MGAT5: variants seen among roughly 807,000 people sequenced by gnomAD.
The protein encoded by MGAT5 is alpha-1,6-mannosylglycoprotein 6-beta-N-acetylglucosaminyltransferase, also known as alpha-1,6-mannosylglycoprotein 6-beta-N-acetylglucosaminyltransferase A.
In MGAT5, 30 loss-of-function variants were observed where a neutral mutation model predicts 94.3. The observed-to-expected ratio is 0.32, with a 90% CI of 0.24 to 0.43. The LOEUF is 0.43. Ranked by LOEUF, MGAT5 falls within the 20% of genes least tolerant of loss-of-function variation. MGAT5 has a pLI of 1.00. For synonymous variants in MGAT5, 310 were observed against 322.9 expected (o/e 0.96, Z 0.43); for missense variants, 691 against 905.5 (o/e 0.76, Z 3.04).
At chr2:134,187,204 C>T (rs55999111) in intron 1 of MGAT5, among the ~76,000 whole-genome samples, 27,709 of 151,998 alleles carry the variant, frequency 0.18, 2,795 homozygotes, top group East Asian at 0.36. Flanking sequence ...TTATGATGGA[C>T]GTGTGTGAAG....
chr2:134,378,882 C>T (rs1681365512), intron 10 of MGAT5, among the ~76,000 whole-genome samples: 1 of 152,204 alleles, frequency 6.6e-6, no homozygotes, highest in Admixed American at 6.5e-5. Context: ...TCCCAAAGTG[C>T]TGGGATCATA....
At chr2:134,164,400 T>C (rs1005624301) in intron 1 of MGAT5, among the ~76,000 whole-genome samples, 2 of 152,150 alleles carry the variant, frequency 1.3e-5, no homozygotes, top group Non-Finnish European at 2.9e-5. Flanking sequence ...TGAGACCAAA[T>C]TTGGGGACCT....
chr2:134,215,630 C>T (rs918760554), intron 1 of MGAT5, among the ~76,000 whole-genome samples: 3 of 152,156 alleles, frequency 2.0e-5, no homozygotes, highest in Admixed American at 6.5e-5. Flanking sequence ...ATGAGGGATC[C>T]GGCTCCATGA....
intron 1 of MGAT5, among the ~76,000 whole-genome samples, chr2:134,147,849 A>G (rs1465988744): frequency 6.6e-6 from 1 of 152,192 alleles, no homozygotes; most frequent in Non-Finnish European, 1.5e-5. Context: ...TCTAACTGAA[A>G]TTTGGCATTT....
intron 12 of MGAT5, among the ~76,000 whole-genome samples, chr2:134,417,373 T>C (rs1352885307): frequency 6.6e-6 from 1 of 152,116 alleles, no homozygotes; most frequent in Non-Finnish European, 1.5e-5. Context: ...TCCACCGAGA[T>C]CCTTTTTCTG....
intron 9 of MGAT5, among the ~76,000 whole-genome samples, chr2:134,360,350 A>G (rs1432916317): frequency 6.6e-6 from 1 of 152,166 alleles, no homozygotes; most frequent in Non-Finnish European, 1.5e-5. Flanking sequence ...TGTTACATAT[A>G]TGTATTTTTT....
At chr2:134,189,602 G>GTTGTTGTTTTTTTTTTTTTTTTT (rs1689232395) in intron 1 of MGAT5, among the ~76,000 whole-genome samples, 1 of 84,672 alleles carries the variant, frequency 1.2e-5, no homozygotes, top group African/African-American at 4.8e-5. Flanking sequence ...GTTTTTTTTT[G>GTTGTTGTTTTTTTTTTTTTTTTT]TTTTTTTTTT....
At chr2:134,402,371 T>C (rs910930376) in intron 10 of MGAT5, among the ~76,000 whole-genome samples, 11 of 152,240 alleles carry the variant, frequency 7.2e-5, no homozygotes, top group African/African-American at 2.4e-4. Flanking sequence ...ATTTATTCTC[T>C]TTTTTCTACT....
intron 2 of MGAT5, among the ~76,000 whole-genome samples, chr2:134,309,562 T>C (rs1441992666): frequency 6.6e-6 from 1 of 152,222 alleles, no homozygotes; most frequent in Non-Finnish European, 1.5e-5. Context: ...TGATGACTAA[T>C]GATGATAAGC....
chr2:134,163,221 A>T (rs567088410), intron 1 of MGAT5, among the ~76,000 whole-genome samples: 1 of 152,170 alleles, frequency 6.6e-6, no homozygotes, highest in Non-Finnish European at 1.5e-5. Flanking sequence ...GATATGGAGA[A>T]AAGGTAGATT....
At chr2:134,188,293 C>T (rs376625013) in intron 1 of MGAT5, among the ~76,000 whole-genome samples, 1 of 152,246 alleles carries the variant, frequency 6.6e-6, no homozygotes, top group East Asian at 1.9e-4. Context: ...AGCCATAAGG[C>T]ACAGCTTTTC....
At chr2:134,306,519 T>G (rs1686339436) in intron 2 of MGAT5, among the ~76,000 whole-genome samples, 1 of 152,128 alleles carries the variant, frequency 6.6e-6, no homozygotes, top group Non-Finnish European at 1.5e-5. Flanking sequence ...ACGAGTATAT[T>G]GTACAAATAG....
In MGAT5 at chr2:134,338,481, C is replaced by T. The variant is rs961497406; in HGVS notation, c.807+61C>T. 6.0e-6 allele frequency: 9 copies of T among 1,509,320 alleles called. No individual in the cohort carries two copies. In the Admixed American group the frequency reaches 1.3e-4, roughly 22 times the overall value. 93.5% of individuals were successfully genotyped at this position (1,509,320 alleles called of 1,614,324 possible). ...AGCTTTCTTTTAAAATTTGATTTTG[C>T]TTGGAAACAAGACTAAGAGAAATGT... On this transcript the variant is annotated intron_variant, in intron 6 of 15. Coordinates refer to ENST00000281923, the MANE Select transcript of MGAT5 (RefSeq NM_002410.5).
At chr2:134,168,610 G>C (rs764110065) in intron 1 of MGAT5, among the ~76,000 whole-genome samples, 8 of 152,116 alleles carry the variant, frequency 5.3e-5, no homozygotes, top group Admixed American at 3.3e-4. Context: ...GTAATTGTAG[G>C]GCTCTTTTCT....
Position 134,154,520 on chromosome 2 carries a change from C to T in MGAT5, c.-143+34229C>T, listed in dbSNP as rs190289737. Among the ~76,000 whole-genome samples the T allele has an allele frequency of 3.3e-4, 50 of 152,322 alleles. No homozygotes were observed. The East Asian group carries it at 8.7e-3, about 26-fold the overall frequency. On this transcript the variant is annotated intron_variant, in intron 1 of 16. Transcript: ENST00000409645. Reference sequence around the variant, plus strand: ...CAAGAAACTCAGTGGTTCCGCCCGTCCAGGTGTCCCCATTGCCTGCACGGA... The same window carrying T: ...CAAGAAACTCAGTGGTTCCGCCCGTTCAGGTGTCCCCATTGCCTGCACGGA...
In MGAT5 at chr2:134,362,424, C is replaced by T. The variant is rs373474204; in HGVS notation, c.1380+16C>T. On this transcript the variant is annotated intron_variant, in intron 10 of 15. Coordinates refer to ENST00000281923, the MANE Select transcript of MGAT5 (RefSeq NM_002410.5). ...CTTCTGGAAGGTGAGTCAGTCTGTG[C>T]GTGTCTCTCTCTCTGAAAAGAAGCT... The T allele has an allele frequency of 2.8e-4, 445 of 1,607,020 alleles. 1 individual carries two copies. Among genetic ancestry groups the T allele is most frequent in the Non-Finnish European group, 3.5e-4 (414 of 1,177,724 alleles).
At chr2:134,128,084 G>A (rs1685933114) in intron 1 of MGAT5, among the ~76,000 whole-genome samples, 1 of 151,956 alleles carries the variant, frequency 6.6e-6, no homozygotes, top group African/African-American at 2.4e-5. Flanking sequence ...AAGAAAAAGT[G>A]GAGGCTGGGT....
intron 1 of MGAT5, among the ~76,000 whole-genome samples, chr2:134,237,148 T>TGTGTGTGTGCGCGC (rs374914892): frequency 2.5e-4 from 35 of 140,830 alleles, no homozygotes; most frequent in African/African-American, 8.4e-4. Flanking sequence ...TGTGTGTGTG[T>TGTGTGTGTGCGCGC]GCGCGTGTGT....
chr2:134,448,956 A>G lies in MGAT5; in HGVS notation c.*109A>G, dbSNP rs1440723576. On this transcript the variant is annotated 3_prime_UTR_variant, in exon 16 of 16. Transcript: ENST00000281923. ...TGCAGGGACTCTGGCAAGAGCCTGA[A>G]CTTTTTCGTAGAAGGTTCTGAATTG... is the stretch of plus-strand genomic sequence containing the variant. 1 of 1,164,564 alleles carries G rather than the reference A, an allele frequency of 8.6e-7. No individual in the cohort carries two copies. The highest frequency in any genetic ancestry group is 1.2e-6 in the Non-Finnish European group (1 of 824,324). 72.1% of individuals were successfully genotyped at this position (1,164,564 alleles called of 1,614,324 possible). A position where few individuals can be genotyped will look rare whatever the true frequency, so the allele number is the denominator to read the frequency against.
Sources: gnomAD v4.1 joint callset for allele counts (sites outside exome capture counted in the v4.1 genomes callset) on GRCh38, gnomAD v4.1.1 for gene constraint, MANE v1.5 for transcripts, NCBI Gene and HGNC (gene_info 2026-07-23, HGNC 2026-07-21) for gene names.